SPAG7: variants seen among roughly 807,000 people sequenced by gnomAD.
SPAG7 encodes the protein sperm-associated antigen 7.
A neutral mutation model predicts 30.6 loss-of-function variants in SPAG7; 20 were observed. The observed-to-expected ratio is 0.65, with a 90% CI of 0.46 to 0.95. The LOEUF (loss-of-function observed/expected upper bound fraction) is 0.95. Ranked by LOEUF, SPAG7 falls within the 40% of genes least tolerant of loss-of-function variation. SPAG7 has a pLI of 0.00. For missense variants in SPAG7, 276 were observed against 291.1 expected, an observed-to-expected ratio of 0.95 and a Z score of 0.38; for synonymous variants, 127 against 104.2, an observed-to-expected ratio of 1.22 and a Z score of -1.33.
intron 6 of SPAG7, 50 bp downstream of exon 6, chr17:4,959,707 TGCC>T: frequency 6.2e-7 from 1 of 1,613,958 alleles, no homozygotes; most frequent in Non-Finnish European, 8.5e-7. Flanking sequence ...ACTGCCCTCC[TGCC>T]GCATCCTATG....
chr17:4,962,672 G>A (rs935295109), intron 1 of SPAG7, among the ~76,000 whole-genome samples: 7 of 152,044 alleles, frequency 4.6e-5, no homozygotes, highest in African/African-American at 1.7e-4. Context: ...TTGAGACGGA[G>A]TCTCACTCTG....
chr17:4,961,389 A>G (rs1466189754), intron 1 of SPAG7, among the ~76,000 whole-genome samples: 10 of 145,540 alleles, frequency 6.9e-5, no homozygotes, highest in East Asian at 2.1e-4. Flanking sequence ...CCTGGGAGGC[A>G]GAGATTGCAG....
At chr17:4,965,720 G>T (rs1189662700) in intron 1 of SPAG7, 1 of 151,986 alleles carries the variant, frequency 6.6e-6, no homozygotes, top group Non-Finnish European at 1.5e-5. Context: ...GTGCAGTGGC[G>T]CAATCACCTC....
intron 1 of SPAG7, among the ~76,000 whole-genome samples, chr17:4,962,855 C>T (rs1971886055): frequency 6.6e-6 from 1 of 151,950 alleles, no homozygotes; most frequent in South Asian, 2.1e-4. Context: ...TCGAACTCGG[C>T]TTCAAATAAC....
chr17:4,967,734 C>A lies in SPAG7; in HGVS notation c.71G>T (p.Arg24Leu), dbSNP rs962010565. The A allele has an allele frequency of 5.0e-6, 8 of 1,613,900 alleles. No homozygotes were observed. In the South Asian group the frequency reaches 8.8e-5, roughly 18 times the overall value. ...KPPSLGDQET[R>L]RKAREQAARL... ...GGGATCCTCACCTCGGGCCTTGCGC[C>A]GAGTCTCCTGGTCACCGAGGCTGGG... Residue 24 changes from arginine (R) to leucine (L), a missense_variant, in exon 1 of 7, where the codon CGG (arginine) becomes CTG (leucine). Transcript: ENST00000206020.
chr17:4,960,350 C>T, intron 3 of SPAG7, 32 bp from the exon 4 acceptor site: 1 of 1,612,290 alleles, frequency 6.2e-7, no homozygotes, highest in South Asian at 1.1e-5. Flanking sequence ...GAAAGAGCAT[C>T]TTGAGCCAGG....
chr17:4,967,807 T>C lies in SPAG7; in HGVS notation c.-3A>G. On this transcript the variant is annotated 5_prime_UTR_variant, in exon 1 of 7. Coordinates refer to ENST00000206020, the MANE Select transcript of SPAG7 (RefSeq NM_004890.3). ...ATGGAGCCCAGTAGGTCCGCCATCT[T>C]GGGAGTGACTGAGAGGGGGCGGTGC... is the stretch of plus-strand genomic sequence containing the variant. 6.2e-7 allele frequency: 1 copy of C among 1,610,770 alleles called. No homozygotes were observed. The highest frequency in any genetic ancestry group is 8.5e-7 in the Non-Finnish European group (1 of 1,177,110).
chr17:4,959,619 G>A lies in SPAG7; in HGVS notation c.599C>T (p.Thr200Ile). ...GCVPVANKRD[T>I]RSIEEAMNEI... is the part of the protein sequence containing the mutation. ...ATTCATAGCCTCTTCAATGGAGCGTGTGTCCCTCTTATTGGCCACGGGCAC... is the reference window on the plus strand; with the variant it reads ...ATTCATAGCCTCTTCAATGGAGCGTATGTCCCTCTTATTGGCCACGGGCAC... Residue 200 changes from threonine (T) to isoleucine (I), a missense_variant, in exon 7 of 7, where the codon ACA (threonine) becomes ATA (isoleucine). Physicochemically the swap from Thr to Ile is moderately conservative, Grantham distance 89. Coordinates refer to ENST00000206020, the MANE Select transcript of SPAG7 (RefSeq NM_004890.3). 6.2e-7 allele frequency: 1 copy of A among 1,614,114 alleles called. No homozygotes were observed. The highest frequency in any genetic ancestry group is 8.5e-7 in the Non-Finnish European group (1 of 1,180,016).
rs575240670 is a variant in SPAG7, at chr17:4,959,314, C to A, written c.*220G>T. ...AACGGGGAATAATACAGATTAAATA[C>A]CCACCTGTGCATTCACACTCTCACA... On this transcript the variant is annotated 3_prime_UTR_variant, in exon 7 of 7. Transcript: ENST00000206020. 1 of 586,676 alleles carries A rather than the reference C, an allele frequency of 1.7e-6. No individual in the cohort carries two copies. The highest frequency in any genetic ancestry group is 3.0e-5 in the Admixed American group (1 of 33,204). The allele number at this position is 586,676 out of a possible 1,614,324, so 36.3% of individuals were successfully genotyped here.
At chr17:4,966,781 G>A in intron 1 of SPAG7, 3 of 985,420 alleles carry the variant, frequency 3.0e-6, no homozygotes, top group Non-Finnish European at 3.6e-6. Flanking sequence ...GGTCCCTAAC[G>A]GTTGTTCAAG....
At chr17:4,967,518 G>A (rs192444417) in intron 1 of SPAG7, among the ~76,000 whole-genome samples, 134 of 152,278 alleles carry the variant, frequency 8.8e-4, no homozygotes, top group African/African-American at 2.9e-3. Context: ...AGAGGCAGGA[G>A]GCTGGCGCTA....
rs752274033 is a variant in SPAG7 at position 4,959,335 on chromosome 17, T to TCA, written c.*197_*198dup. 69,617 of 563,372 alleles carry TCA rather than the reference T, an allele frequency of 0.12. 3,167 individuals are homozygous for TCA. Among genetic ancestry groups the TCA allele is most frequent in the South Asian group, 0.26 (12,145 of 45,912 alleles). The allele number at this position is 563,372 out of a possible 1,614,324, so 34.9% of individuals were successfully genotyped here. A position where few individuals can be genotyped will look rare whatever the true frequency, so the allele number is the denominator to read the frequency against. ...AATACCCACCTGTGCATTCACACTCTCACACACACACACACATGCCACGCA... is the reference window on the plus strand; with the variant it reads ...AATACCCACCTGTGCATTCACACTCTCACACACACACACACACATGCCACGCA... On this transcript the variant is annotated 3_prime_UTR_variant, in exon 7 of 7. Coordinates refer to ENST00000206020, the MANE Select transcript of SPAG7 (RefSeq NM_004890.3).
Position 4,959,741 on chromosome 17 carries a change from A to G in SPAG7, c.574+19T>C, listed in dbSNP as rs1971827889. ...CTATGCTCCTCTCCCAGCCACCCCC[A>G]GCCGCACTGTGGCCTCACCACAGCC... On this transcript the variant is annotated intron_variant, in intron 6 of 6. Transcript: ENST00000206020. The G allele has an allele frequency of 6.2e-7, 1 of 1,613,980 alleles. No individual in the cohort carries two copies. The highest frequency in any genetic ancestry group is 1.3e-5 in the African/African-American group (1 of 74,914).
Position 4,959,619 on chromosome 17 carries a change from G to T in SPAG7, c.599C>A (p.Thr200Lys), listed in dbSNP as rs1971824958. 6.2e-7 allele frequency: 1 copy of T among 1,614,114 alleles called. No individual in the cohort carries two copies. Among genetic ancestry groups the T allele is most frequent in the Admixed American group, 1.7e-5 (1 of 60,024 alleles). The change falls in exon 7 of 7, where the codon ACA becomes AAA. Residue 200 changes from threonine to lysine, a missense_variant. Physicochemically the swap from Thr to Lys is moderately conservative, Grantham distance 78. Coordinates refer to ENST00000206020, the MANE Select transcript of SPAG7 (RefSeq NM_004890.3). ...GCVPVANKRDTRSIEEAMNEI... is the reference protein window; with the variant it reads ...GCVPVANKRDKRSIEEAMNEI... ...ATTCATAGCCTCTTCAATGGAGCGT[G>T]TGTCCCTCTTATTGGCCACGGGCAC...
intron 1 of SPAG7, 78 bp from the exon 2 acceptor site, chr17:4,960,931 G>C: frequency 7.7e-7 from 1 of 1,297,186 alleles, no homozygotes; most frequent in Non-Finnish European, 1.1e-6. Flanking sequence ...CAAGTGAAGT[G>C]TGGTGTCCAC....
intron 1 of SPAG7, 78 bp downstream of exon 1, chr17:4,967,642 G>A: frequency 9.0e-7 from 1 of 1,112,062 alleles, no homozygotes; most frequent in Non-Finnish European, 1.4e-6. Context: ...GGTTGAGGAG[G>A]CGGCATCGTC....
intron 1 of SPAG7, among the ~76,000 whole-genome samples, chr17:4,963,131 G>A (rs1032503540): frequency 3.3e-5 from 5 of 152,028 alleles, no homozygotes; most frequent in Non-Finnish European, 7.4e-5. Flanking sequence ...GGTGGCTTAC[G>A]TGTGTAATCC....
chr17:4,959,933 G>C lies in SPAG7; in HGVS notation c.418-17C>G. ...GGCCAGCTCCTAGGGGTGAAAGTGG[G>C]GGCACTGGTGCTCAGGGCCCCAGCC... On this transcript the variant is annotated splice_polypyrimidine_tract_variant and intron_variant, in intron 5 of 6. Transcript: ENST00000206020. 6.2e-7 allele frequency: 1 copy of C among 1,612,772 alleles called. No homozygotes were observed. The highest frequency in any genetic ancestry group is 8.5e-7 in the Non-Finnish European group (1 of 1,179,868).
intron 1 of SPAG7, among the ~76,000 whole-genome samples, chr17:4,965,308 CA>C (rs1385041066): frequency 1.3e-5 from 2 of 152,176 alleles, no homozygotes; most frequent in Admixed American, 1.3e-4. Context: ...CTCAGCCTCC[CA>C]AAGTGCTGGG....
Sources: gnomAD v4.1 joint callset for allele counts (sites outside exome capture counted in the v4.1 genomes callset) on GRCh38, gnomAD v4.1.1 for gene constraint, MANE v1.5 for transcripts, NCBI Gene and HGNC (gene_info 2026-07-23, HGNC 2026-07-21) for gene names.